The following RXFP2 variants were observed in gnomAD, a reference collection of about 807,000 sequenced individuals.
The protein encoded by RXFP2 is relaxin family peptide receptor 2.
Under a neutral mutation model 88.6 loss-of-function variants are expected in RXFP2, and 68 were observed. The ratio of observed to expected loss-of-function variants is 0.77; its 90% CI spans 0.63 to 0.94. The LOEUF is 0.94. RXFP2 is among the 40% of genes least tolerant of loss of function. The probability of loss-of-function intolerance (pLI) is 0.00; values close to 1 mark genes in which losing one functional copy is unlikely to be tolerated. For missense variants in RXFP2, 791 were observed against 893.9 expected, an observed-to-expected ratio of 0.88 and a Z score of 1.47; for synonymous variants, 329 against 306.8, an observed-to-expected ratio of 1.07 and a Z score of -0.76.
At chr13:31,769,468 T>TC (rs1404950747) in intron 5 of RXFP2, among the ~76,000 whole-genome samples, 1 of 152,164 alleles carries the variant, frequency 6.6e-6, no homozygotes, top group Admixed American at 6.5e-5. Flanking sequence ...CTTAAATTCC[T>TC]CCCCAAAGGA....
intron 1 of RXFP2, 36 bp downstream of exon 1, chr13:31,739,742 A>C: frequency 7.8e-7 from 1 of 1,278,988 alleles, no homozygotes; most frequent in Non-Finnish European, 1.1e-6. Flanking sequence ...AATGAGTGCA[A>C]TTCCCAAAAA....
At chr13:31,742,583 T>C (rs1389300372) in intron 1 of RXFP2, among the ~76,000 whole-genome samples, 1 of 152,154 alleles carries the variant, frequency 6.6e-6, no homozygotes, top group Non-Finnish European at 1.5e-5. Flanking sequence ...GCCAGCTAAA[T>C]ACATCTCACA....
At chr13:31,781,635 A>G (rs765222892) in intron 9 of RXFP2, 36 bp from the exon 10 acceptor site, 9 of 1,473,142 alleles carry the variant, frequency 6.1e-6, no homozygotes, top group African/African-American at 2.8e-5. Context: ...ATTTGTACAA[A>G]AAATATTAAA....
chr13:31,781,541 A>G, intron 9 of RXFP2, 130 bp from the exon 10 acceptor site: 1 of 618,450 alleles, frequency 1.6e-6, no homozygotes, highest in Middle Eastern at 4.3e-4. Context: ...TAACCTTGCA[A>G]TAATTAGGAG....
chr13:31,779,654 T>C (rs6563792), intron 9 of RXFP2, among the ~76,000 whole-genome samples: 93,282 of 151,912 alleles, frequency 0.61, 28,849 homozygotes, highest in East Asian at 0.77. Flanking sequence ...AGGATTGTCA[T>C]GTCTATTGCT....
chr13:31,769,525 T>C lies in RXFP2; in HGVS notation c.497+3498T>C, dbSNP rs149400532. Among the ~76,000 whole-genome samples, 802 of 152,330 alleles carry C rather than the reference T, an allele frequency of 5.3e-3. 3 individuals carry two copies. The highest frequency in any genetic ancestry group is 9.4e-3 in the Non-Finnish European group (636 of 68,020). On this transcript the variant is annotated intron_variant, in intron 5 of 17. Coordinates refer to ENST00000298386, the MANE Select transcript of RXFP2 (RefSeq NM_130806.5). ...CATTCTAGTCACAATAATCTGCATA[T>C]GTTTACCTACATTTGTCTTGATGGG...
chr13:31,776,102 T>TTC lies in RXFP2; in HGVS notation c.641+714_641+715insCT, dbSNP rs1555284075. ...TTTCCTTCCTTCTTTCTTTCTTTTC[T>TTC]TTTCTTTCTTTCTTTCTTTCTTTCT... is the stretch of plus-strand genomic sequence containing the variant. On this transcript the variant is annotated intron_variant, in intron 7 of 17. Coordinates refer to ENST00000298386, the MANE Select transcript of RXFP2 (RefSeq NM_130806.5). Among the ~76,000 whole-genome samples, 365 of 109,890 alleles carry TTC rather than the reference T, an allele frequency of 3.3e-3. 5 individuals carry two copies. The highest frequency in any genetic ancestry group is 0.011 in the African/African-American group (314 of 28,134). 72.1% of individuals were successfully genotyped at this position (109,890 alleles called of 152,430 possible). A position where few individuals can be genotyped will look rare whatever the true frequency, so the allele number is the denominator to read the frequency against.
chr13:31,759,409 G>GAAAC, intron 2 of RXFP2, among the ~76,000 whole-genome samples: 1 of 149,772 alleles, frequency 6.7e-6, no homozygotes, highest in African/African-American at 2.5e-5. Context: ...AAGAAAGAAA[G>GAAAC]AAAGAAAGAA....
chr13:31,745,168 T>TA (rs774236947), intron 1 of RXFP2, among the ~76,000 whole-genome samples: 65 of 140,660 alleles, frequency 4.6e-4, no homozygotes, highest in East Asian at 1.8e-3. Flanking sequence ...AGACTCCATC[T>TA]AAAAAAAAAA....
intron 12 of RXFP2, 24 bp from the exon 13 acceptor site, chr13:31,786,542 C>G (rs368406251): frequency 6.6e-7 from 1 of 1,525,126 alleles, no homozygotes; most frequent in Non-Finnish European, 9.0e-7. Flanking sequence ...CTTTTCCTCT[C>G]TCATCTAATG....
At chr13:31,789,754 A>C (rs1003193963) in intron 14 of RXFP2, among the ~76,000 whole-genome samples, 2 of 152,224 alleles carry the variant, frequency 1.3e-5, no homozygotes, top group Non-Finnish European at 2.9e-5. Flanking sequence ...TGTGTTCATG[A>C]CTTCAAAAAT....
At chr13:31,772,964 T>G (rs148946648) in intron 5 of RXFP2, among the ~76,000 whole-genome samples, 1 of 152,384 alleles carries the variant, frequency 6.6e-6, no homozygotes, top group East Asian at 1.9e-4. Context: ...GTAAATAGCA[T>G]TAGTTAAGCA....
chr13:31,791,427 A>T (rs1282963469), intron 14 of RXFP2, among the ~76,000 whole-genome samples: 1 of 152,186 alleles, frequency 6.6e-6, no homozygotes, highest in Non-Finnish European at 1.5e-5. Flanking sequence ...GGCTTTTCCC[A>T]TCCCAAGCCC....
rs572162759 is a variant in RXFP2 at position 31,802,231 on chromosome 13, T to G, written c.2091T>G (p.Phe697Leu). 33 of 1,614,064 alleles carry G rather than the reference T, an allele frequency of 2.0e-5. No individual in the cohort carries two copies. The highest frequency in any genetic ancestry group is 2.8e-5 in the Non-Finnish European group (33 of 1,179,962). The change falls in exon 18 of 18, where the codon TTT (phenylalanine) becomes TTG (leucine). Residue 697 changes from phenylalanine (F) to leucine (L), a missense_variant. Transcript: ENST00000298386. ...NPILYTLTTN[F>L]FKDKLKQLLH... ...TCCTCTATACTCTCACAACCAACTT[T>G]TTTAAGGACAAGTTGAAACAGCTGC...
intron 16 of RXFP2, among the ~76,000 whole-genome samples, chr13:31,794,343 A>G (rs1873925368): frequency 6.7e-6 from 1 of 149,212 alleles, no homozygotes; most frequent in Non-Finnish European, 1.5e-5. Context: ...GGTGCACTTA[A>G]TAGAGACTCT....
chr13:31,768,979 TCTTGGTATGGAATCTGGTA>T (rs1872644822), intron 5 of RXFP2, among the ~76,000 whole-genome samples: 2 of 152,182 alleles, frequency 1.3e-5, no homozygotes, highest in Non-Finnish European at 2.9e-5. Flanking sequence ...CAGCCAGAAC[TCTTGGTATGGAATCTGGTA>T]GCAGGAGAGC....
intron 1 of RXFP2, among the ~76,000 whole-genome samples, chr13:31,743,387 GA>G: frequency 6.6e-6 from 1 of 151,932 alleles, no homozygotes; most frequent in East Asian, 1.9e-4. Context: ...AAGATTGCTT[GA>G]ACCTGAGAGG....
chr13:31,789,065 GCAATTATTAAAACGTTTCATCT>G, intron 13 of RXFP2, 35 bp from the exon 14 acceptor site: 1 of 1,015,914 alleles, frequency 9.8e-7, no homozygotes, highest in Non-Finnish European at 1.6e-6. Flanking sequence ...GATGAAGAAT[GCAATTATTAAAACGTTTCATCT>G]CAACACCATT....
chr13:31,757,135 T>A (rs1391379096), intron 1 of RXFP2, among the ~76,000 whole-genome samples: 1 of 152,204 alleles, frequency 6.6e-6, no homozygotes, highest in African/African-American at 2.4e-5. Context: ...TCAGCTGTTA[T>A]TCAACTATCA....
Sources: gnomAD v4.1 joint callset for allele counts (sites outside exome capture counted in the v4.1 genomes callset) on GRCh38, gnomAD v4.1.1 for gene constraint, MANE v1.5 for transcripts, NCBI Gene and HGNC (gene_info 2026-07-23, HGNC 2026-07-21) for gene names.